KRR1: variants seen among roughly 807,000 people sequenced by gnomAD.
The protein encoded by KRR1 is KRR1 small subunit processome component homolog.
Under a neutral mutation model 50.0 loss-of-function variants are expected in KRR1, and 23 were observed. That is an observed-to-expected ratio of 0.46 (90% CI 0.33 to 0.65). KRR1 has a LOEUF of 0.65. KRR1 is among the 30% of genes least tolerant of loss of function. The pLI, the probability that KRR1 is intolerant of heterozygous loss-of-function variation, is 0.02. For missense variants in KRR1, 419 were observed against 442.4 expected (o/e 0.95, Z 0.47); for synonymous variants, 133 against 146.3 (o/e 0.91, Z 0.66).
At chr12:75,510,480 C>A (rs1187410424) in intron 1 of KRR1, among the ~76,000 whole-genome samples, 2 of 152,124 alleles carry the variant, frequency 1.3e-5, no homozygotes, top group South Asian at 2.1e-4. Flanking sequence ...GCAAGTATCA[C>A]CCTGTTTGAA....
At chr12:75,504,916 CAG>C (rs2046415295) in intron 6 of KRR1, among the ~76,000 whole-genome samples, 1 of 151,966 alleles carries the variant, frequency 6.6e-6, no homozygotes, top group Admixed American at 6.6e-5. Flanking sequence ...TGATCTACAA[CAG>C]ATTCTGTGAA....
intron 7 of KRR1, chr12:75,502,208 A>C: frequency 2.0e-6 from 1 of 493,814 alleles, no homozygotes; most frequent in South Asian, 2.9e-5. Flanking sequence ...CATGGAATAC[A>C]ACCCAGAGTA....
rs943276867 is a variant in KRR1, at chr12:75,495,315, A to G, written c.*4494T>C. ...TTACATCTTTTGTCTCATCTGTAAA[A>G]CAAGAATAACTTCCTCTCAGAGCTG... is the stretch of plus-strand genomic sequence containing the variant. On this transcript the variant is annotated 3_prime_UTR_variant, in exon 10 of 10. Coordinates refer to ENST00000229214, the MANE Select transcript of KRR1 (RefSeq NM_007043.7). 1.5e-5 allele frequency: 5 copies of G among 342,032 alleles called. No homozygotes were observed. The highest frequency in any genetic ancestry group is 1.0e-4 in the African/African-American group (5 of 48,028). 21.2% of individuals were successfully genotyped at this position (342,032 alleles called of 1,614,324 possible).
intron 3 of KRR1, 35 bp from the exon 4 acceptor site, chr12:75,506,644 T>C: frequency 7.0e-7 from 1 of 1,434,848 alleles, no homozygotes; most frequent in Non-Finnish European, 9.3e-7. Context: ...GAAGACATTA[T>C]CAACATTTTT....
chr12:75,504,191 G>A, intron 6 of KRR1, 117 bp from the exon 7 acceptor site: 1 of 650,194 alleles, frequency 1.5e-6, no homozygotes, highest in Non-Finnish European at 2.4e-6. Flanking sequence ...TAGTTTCTTT[G>A]GTGAAATTAA....
At chr12:75,506,682 C>T (rs771462497) in intron 3 of KRR1, 73 bp from the exon 4 acceptor site, 89 of 1,549,154 alleles carry the variant, frequency 5.7e-5, no homozygotes, top group Non-Finnish European at 7.5e-5. Flanking sequence ...TCCAGGCCCA[C>T]GCTATTGTTA....
intron 9 of KRR1, chr12:75,501,348 T>C (rs1302037780): frequency 2.8e-5 from 5 of 176,874 alleles, no homozygotes; most frequent in African/African-American, 2.4e-5. Flanking sequence ...CAAGATCACA[T>C]AAAGAGAAGA....
intron 9 of KRR1, chr12:75,500,180 G>A (rs2046381972): frequency 3.3e-6 from 1 of 298,970 alleles, no homozygotes; most frequent in South Asian, 9.0e-5. Flanking sequence ...TTATATATTA[G>A]TACAAGTATA....
At chr12:75,501,861 T>C (rs1470240145) in intron 8 of KRR1, 45 bp from the exon 9 acceptor site, 2 of 1,574,476 alleles carry the variant, frequency 1.3e-6, no homozygotes, top group Non-Finnish European at 1.7e-6. Flanking sequence ...GTATTTATAG[T>C]TAAATAATTC....
chr12:75,509,112 A>G (rs1312685388), intron 1 of KRR1, among the ~76,000 whole-genome samples: 1 of 152,212 alleles, frequency 6.6e-6, no homozygotes, highest in Non-Finnish European at 1.5e-5. Flanking sequence ...TCCTTTCACT[A>G]CAAGAAAATG....
At chr12:75,511,416 G>A in intron 1 of KRR1, 97 bp downstream of exon 1, 5 of 1,064,258 alleles carry the variant, frequency 4.7e-6, no homozygotes, top group Non-Finnish European at 7.3e-6. Context: ...CACAGTACAG[G>A]CTCCAGGTGG....
chr12:75,501,508 A>G (rs764490462), intron 9 of KRR1: 23 of 517,846 alleles, frequency 4.4e-5, no homozygotes, highest in Non-Finnish European at 6.9e-5. Flanking sequence ...AGAGGTCAGG[A>G]GAGGACTGTC....
At position 75,499,753 on chromosome 12, in the gene KRR1, A is replaced by ATATC; in HGVS notation, c.*52_*55dup. 1 of 1,380,010 alleles carries ATATC rather than the reference A, an allele frequency of 7.2e-7. No homozygotes were observed. The highest frequency in any genetic ancestry group is 1.5e-5 in the South Asian group (1 of 68,794). The allele number at this position is 1,380,010 out of a possible 1,614,324, so 85.5% of individuals were successfully genotyped here. ...TCACAAATAAGGCAACTAATGCCTG[A>ATATC]TATCTCAAAATCCTTTACAAAAGGA... On this transcript the variant is annotated 3_prime_UTR_variant, in exon 10 of 10. Coordinates refer to ENST00000229214, the MANE Select transcript of KRR1 (RefSeq NM_007043.7).
At chr12:75,508,947 G>C (rs1310048277) in intron 1 of KRR1, among the ~76,000 whole-genome samples, 1 of 152,140 alleles carries the variant, frequency 6.6e-6, no homozygotes, top group Non-Finnish European at 1.5e-5. Context: ...GGTAATTCTA[G>C]ATTTTCCTAA....
rs1449964819 is a variant in KRR1, at chr12:75,498,979, T to G, written c.*830A>C. Reference sequence around the variant, plus strand: ...CCCTAATTTAGTTCTTTTGGACTAATACAATTCAGGAAAGAAAAAACCCAA... The same window carrying G: ...CCCTAATTTAGTTCTTTTGGACTAAGACAATTCAGGAAAGAAAAAACCCAA... On this transcript the variant is annotated 3_prime_UTR_variant, in exon 10 of 10. Coordinates refer to ENST00000229214, the MANE Select transcript of KRR1 (RefSeq NM_007043.7). 3 of 1,560,102 alleles carry G rather than the reference T, an allele frequency of 1.9e-6. No individual in the cohort carries two copies. The highest frequency in any genetic ancestry group is 2.6e-6 in the Non-Finnish European group (3 of 1,158,320).
intron 9 of KRR1, chr12:75,500,174 A>G: frequency 3.0e-6 from 1 of 330,156 alleles, no homozygotes. Context: ...AATACTTTAT[A>G]TATTAGTACA....
rs376251155 is a variant in KRR1, at chr12:75,498,812, T to C, written c.*997A>G. ...ACAATGTCTAAGAGGATATTCTATG[T>C]TTGTTTCACAGGTTACTACTCTGTT... On this transcript the variant is annotated 3_prime_UTR_variant, in exon 10 of 10. Coordinates refer to ENST00000229214, the MANE Select transcript of KRR1 (RefSeq NM_007043.7). 1.9e-6 allele frequency: 3 copies of C among 1,612,282 alleles called. No homozygotes were observed. In the African/African-American group the frequency reaches 4.0e-5, roughly 22 times the overall value.
intron 9 of KRR1, 31 bp from the exon 10 acceptor site, chr12:75,499,982 T>C (rs776824171): frequency 2.6e-6 from 4 of 1,541,196 alleles, no homozygotes; most frequent in East Asian, 2.3e-5. Context: ...ACACATGTAA[T>C]ACTTTAGATT....
rs1035368042 is a variant in KRR1 at position 75,494,025 on chromosome 12, T to A, written c.*5784A>T. 6.6e-6 allele frequency: 1 copy of A among 152,240 alleles called. No individual in the cohort carries two copies. Among genetic ancestry groups the A allele is most frequent in the Non-Finnish European group, 1.5e-5 (1 of 68,042 alleles). 9.4% of individuals were successfully genotyped at this position (152,240 alleles called of 1,614,324 possible). A position where few individuals can be genotyped will look rare whatever the true frequency, so the allele number is the denominator to read the frequency against. On this transcript the variant is annotated 3_prime_UTR_variant, in exon 10 of 10. Transcript: ENST00000229214. ...AGACATTCCAATGATTAATGTCTAT[T>A]TTGGACATCTTTTGAAATTGCTATC...
Sources: allele counts gnomAD v4.1 joint callset (sites outside exome capture counted in the v4.1 genomes callset), GRCh38; gene constraint gnomAD v4.1.1; transcripts MANE v1.5; gene names NCBI Gene and HGNC (gene_info 2026-07-23, HGNC 2026-07-21).